Variants in LRRTM3 observed in about 807,000 individuals in gnomAD.
LRRTM3 encodes leucine-rich repeat transmembrane neuronal protein 3.
A neutral mutation model predicts 44.7 loss-of-function variants in LRRTM3; 24 were observed. The ratio of observed to expected loss-of-function variants is 0.54; its 90% confidence interval spans 0.39 to 0.76. The LOEUF is 0.76. LRRTM3 is among the 30% of genes least tolerant of loss of function. LRRTM3 has a pLI of 0.00. For missense variants in LRRTM3, 587 were observed against 702.2 expected (o/e 0.84, Z 1.85); for synonymous variants, 277 against 278.7 (o/e 0.99, Z 0.06).
intron 2 of LRRTM3, among the ~76,000 whole-genome samples, chr10:67,016,484 G>C (rs1852664485): frequency 6.6e-6 from 1 of 152,152 alleles, no homozygotes; most frequent in South Asian, 2.1e-4. Context: ...TGGGCTGAAA[G>C]ACAAAGTGGT....
At chr10:67,020,339 G>A (rs1333096179) in intron 2 of LRRTM3, among the ~76,000 whole-genome samples, 6 of 152,176 alleles carry the variant, frequency 3.9e-5, no homozygotes, top group Admixed American at 3.3e-4. Flanking sequence ...GAGCACAAGG[G>A]CTTCTTTATA....
intron 2 of LRRTM3, among the ~76,000 whole-genome samples, chr10:66,975,469 G>T (rs1362928300): frequency 6.6e-6 from 1 of 152,148 alleles, no homozygotes; most frequent in Non-Finnish European, 1.5e-5. Flanking sequence ...AAGTTGGAAA[G>T]GTTTCCCTTT....
At chr10:67,053,953 C>T (rs966496897) in intron 2 of LRRTM3, among the ~76,000 whole-genome samples, 16 of 152,036 alleles carry the variant, frequency 1.1e-4, no homozygotes, top group Non-Finnish European at 2.1e-4. Context: ...TCCCTAATGA[C>T]CTTATGTCAT....
intron 2 of LRRTM3, among the ~76,000 whole-genome samples, chr10:66,931,038 C>T (rs1847357253): frequency 6.6e-6 from 1 of 152,152 alleles, no homozygotes; most frequent in Non-Finnish European, 1.5e-5. Context: ...GTTGTTGCCT[C>T]ACCTCCATCC....
intron 2 of LRRTM3, among the ~76,000 whole-genome samples, chr10:66,991,371 A>T (rs1045105885): frequency 1.1e-4 from 16 of 152,294 alleles, no homozygotes; most frequent in Non-Finnish European, 8.8e-5. Flanking sequence ...AAATTAAAGG[A>T]TATTTTATCA....
chr10:66,994,207 G>T (rs1416989188), intron 2 of LRRTM3, among the ~76,000 whole-genome samples: 1 of 152,082 alleles, frequency 6.6e-6, no homozygotes, highest in African/African-American at 2.4e-5. Context: ...AACTACCCAG[G>T]TACTCCAGTG....
intron 2 of LRRTM3, among the ~76,000 whole-genome samples, chr10:67,018,192 G>A (rs1481317060): frequency 6.6e-6 from 1 of 152,118 alleles, no homozygotes; most frequent in Non-Finnish European, 1.5e-5. Flanking sequence ...CTATAAATAT[G>A]TACTTTTCTG....
intron 2 of LRRTM3, among the ~76,000 whole-genome samples, chr10:67,036,677 A>T (rs1013751018): frequency 1.3e-5 from 2 of 152,074 alleles, no homozygotes; most frequent in African/African-American, 4.8e-5. Context: ...TATTTTTAAG[A>T]GTATACTTTT....
intron 2 of LRRTM3, among the ~76,000 whole-genome samples, chr10:67,066,535 C>CAA (rs57093251): frequency 0.019 from 1,491 of 80,096 alleles, 31 homozygotes; most frequent in African/African-American, 0.05. Flanking sequence ...CAGTTCTTGA[C>CAA]AAAAAAAAAA....
At chr10:67,082,639 A>G (rs1385157198) in intron 2 of LRRTM3, among the ~76,000 whole-genome samples, 2 of 152,154 alleles carry the variant, frequency 1.3e-5, no homozygotes, top group African/African-American at 4.8e-5. Flanking sequence ...AAAAAAGGAA[A>G]CCGTGCAGGA....
At chr10:67,075,736 A>C (rs58686883) in intron 2 of LRRTM3, among the ~76,000 whole-genome samples, 6,688 of 152,286 alleles carry the variant, frequency 0.044, 461 homozygotes, top group African/African-American at 0.15. Context: ...CACTAAAAGC[A>C]TGCTTCTGGA....
intron 2 of LRRTM3, among the ~76,000 whole-genome samples, chr10:66,938,711 T>C (rs1329030253): frequency 2.0e-5 from 3 of 152,182 alleles, no homozygotes. Context: ...ATGTTCTGAT[T>C]TAAATTGCTT....
intron 2 of LRRTM3, among the ~76,000 whole-genome samples, chr10:67,088,491 C>T (rs2394343): frequency 2.6e-5 from 4 of 151,538 alleles, no homozygotes; most frequent in South Asian, 2.1e-4. Context: ...CAAAGATAAA[C>T]GGTGCCTGCA....
chr10:67,078,660 G>GC (rs1412514273), intron 2 of LRRTM3, among the ~76,000 whole-genome samples: 1 of 152,030 alleles, frequency 6.6e-6, no homozygotes, highest in Non-Finnish European at 1.5e-5. Context: ...GGGATTACAG[G>GC]CACCCACCAC....
intron 2 of LRRTM3, among the ~76,000 whole-genome samples, chr10:67,059,403 A>G (rs982613039): frequency 2.0e-5 from 3 of 152,298 alleles, no homozygotes; most frequent in Non-Finnish European, 4.4e-5. Context: ...AAGAATTGAA[A>G]ACAATTAATT....
At chr10:67,046,134 T>C (rs1854729704) in intron 2 of LRRTM3, among the ~76,000 whole-genome samples, 1 of 152,218 alleles carries the variant, frequency 6.6e-6, no homozygotes, top group South Asian at 2.1e-4. Flanking sequence ...TGGACTCGGT[T>C]ATCCACATAA....
chr10:66,928,066 C>T lies in LRRTM3; in HGVS notation c.1150C>T (p.Leu384Phe), dbSNP rs1290730971. ...ALPKPTFKPK[L>F]PRPKHESKPP... ...CCCAAAGCCGACGTTTAAGCCCAAG[C>T]TCCCCAGGCCGAAGCATGAGAGCAA... is the stretch of plus-strand genomic sequence containing the variant. Residue 384 changes from leucine (L) to phenylalanine (F), a missense_variant, in exon 2 of 3, where the codon CTC (leucine) becomes TTC (phenylalanine). Leu to Phe is a conservative substitution (Grantham distance 22, BLOSUM62 0). Around this residue, in one of 3 missense-constraint regions of LRRTM3, gnomAD observed 315 missense variants for 335.6 expected, o/e 0.94. Coordinates refer to ENST00000361320, the MANE Select transcript of LRRTM3 (RefSeq NM_178011.5). 1 of 1,613,948 alleles carries T rather than the reference C, an allele frequency of 6.2e-7. No individual in the cohort carries two copies. The highest frequency in any genetic ancestry group is 8.5e-7 in the Non-Finnish European group (1 of 1,180,046).
chr10:66,952,032 C>A (rs1013874900), intron 2 of LRRTM3, among the ~76,000 whole-genome samples: 1 of 152,126 alleles, frequency 6.6e-6, no homozygotes, highest in Non-Finnish European at 1.5e-5. Flanking sequence ...ATTCCAGATC[C>A]GTGACATTCA....
In LRRTM3 at chr10:66,926,574, A is replaced by G. The variant is rs1847086907; in HGVS notation, c.-10A>G. 6.2e-7 allele frequency: 1 copy of G among 1,613,954 alleles called. No homozygotes were observed. The highest frequency in any genetic ancestry group is 1.7e-5 in the Admixed American group (1 of 59,974). On this transcript the variant is annotated 5_prime_UTR_variant, in exon 1 of 3. Coordinates refer to ENST00000361320, the MANE Select transcript of LRRTM3 (RefSeq NM_178011.5). Reference sequence around the variant, plus strand: ...AAAGACCTAAGGACGACCTTTGAACAATACAAAGGATGGGTATGTTTTGTC... The same window carrying G: ...AAAGACCTAAGGACGACCTTTGAACGATACAAAGGATGGGTATGTTTTGTC...
Sources: allele counts gnomAD v4.1 joint callset (sites outside exome capture counted in the v4.1 genomes callset), GRCh38; gene constraint gnomAD v4.1.1; regional missense constraint gnomAD v4.1.1; transcripts MANE v1.5; gene names NCBI Gene and HGNC (gene_info 2026-07-23, HGNC 2026-07-21).